The following RFTN1 variants were observed in gnomAD, a reference collection of about 807,000 sequenced individuals.
The protein encoded by RFTN1 is raftlin, lipid raft linker 1.
In RFTN1, 26 loss-of-function variants were observed where a neutral mutation model predicts 46.5. The ratio of observed to expected loss-of-function variants is 0.56; its 90% CI spans 0.41 to 0.78. The LOEUF is 0.78. RFTN1 is among the 30% of genes least tolerant of loss of function. RFTN1 has a pLI of 0.00. For synonymous variants in RFTN1, 261 were observed against 284.2 expected (o/e 0.92, Z 0.82); for missense variants, 693 against 718.7 (o/e 0.96, Z 0.41).
At chr3:16,445,483 T>TCTCTCTCACA (rs1352210263) in intron 2 of RFTN1, among the ~76,000 whole-genome samples, 10 of 126,776 alleles carry the variant, frequency 7.9e-5, no homozygotes, top group Non-Finnish European at 1.3e-4. Context: ...TCTCTCTCTC[T>TCTCTCTCACA]CACACACACA....
Position 16,410,332 on chromosome 3 carries a change from C to T in RFTN1, c.333-849G>A, listed in dbSNP as rs2074959598. Among the ~76,000 whole-genome samples the T allele has an allele frequency of 1.3e-5, 2 of 151,790 alleles. No homozygotes were observed. The highest frequency in any genetic ancestry group is 1.3e-4 in the Admixed American group (2 of 15,236). ...GGGCACAGAAAAAGAACAAGCAAGA[C>T]ATACACCAAACCAATAATAGCAGGT... On this transcript the variant is annotated intron_variant, in intron 3 of 9. Coordinates refer to ENST00000334133, the MANE Select transcript of RFTN1 (RefSeq NM_015150.2). This position sits in a 1 kb window ranked among gnomAD's most constrained non-coding sequence, Gnocchi z 4.6.
At chr3:16,406,988 G>T (rs960991652) in intron 4 of RFTN1, among the ~76,000 whole-genome samples, 1 of 152,148 alleles carries the variant, frequency 6.6e-6, no homozygotes, top group African/African-American at 2.4e-5. Context: ...GTCCTTCAGG[G>T]CATAAAAACC....
intron 4 of RFTN1, among the ~76,000 whole-genome samples, chr3:16,390,028 G>A (rs189939000): frequency 5.9e-5 from 9 of 152,280 alleles, no homozygotes; most frequent in Non-Finnish European, 1.3e-4. Context: ...CCATATGAGT[G>A]TGCCATCTTG....
Position 16,381,870 on chromosome 3 carries a change from C to T in RFTN1, c.442-3768G>A, listed in dbSNP as rs1015960887. On this transcript the variant is annotated intron_variant, in intron 4 of 9. Transcript: ENST00000334133. This position sits in a 1 kb window ranked among gnomAD's most constrained non-coding sequence, Gnocchi z 4.2. ...CATGCCCGCAAAGGCTCTCAGTTCA[C>T]CCTGCAGGCCAGCATATCCGACTCT... 2.0e-5 allele frequency among the ~76,000 whole-genome samples: 3 copies of T among 152,142 alleles called. No individual in the cohort carries two copies. The highest frequency in any genetic ancestry group is 7.2e-5 in the African/African-American group (3 of 41,416).
chr3:16,451,806 T>C lies in RFTN1; in HGVS notation c.146-17769A>G, dbSNP rs1248194308. ...CTTAGATCTTAGCAACTTCAGCATA[T>C]GAGTTTTCTTCTTTCTCACTTAAAG... On this transcript the variant is annotated intron_variant, in intron 2 of 9. Transcript: ENST00000334133. The surrounding 1 kb of genome is among the most constrained non-coding windows in gnomAD (Gnocchi z 4.2). Among the ~76,000 whole-genome samples the C allele has an allele frequency of 6.6e-6, 1 of 152,206 alleles. No homozygotes were observed. The highest frequency in any genetic ancestry group is 2.4e-5 in the African/African-American group (1 of 41,450).
chr3:16,360,033 G>C (rs958506912), intron 6 of RFTN1, among the ~76,000 whole-genome samples: 9 of 151,924 alleles, frequency 5.9e-5, no homozygotes, highest in African/African-American at 1.9e-4. Flanking sequence ...CAAAAATAAA[G>C]GCTAAGCTTA....
Position 16,316,486 on chromosome 3 carries a change from C to A in RFTN1, c.*342G>T. ...TGTCCATGGATTTGACCCGAATGCT[C>A]CCTGGAGGCCCTGTGGCGAGGACAG... On this transcript the variant is annotated 3_prime_UTR_variant, in exon 10 of 10. Transcript: ENST00000334133. This position sits in a 1 kb window ranked among gnomAD's most constrained non-coding sequence, Gnocchi z 4.5. 1 of 333,112 alleles carries A rather than the reference C, an allele frequency of 3.0e-6. No individual in the cohort carries two copies. The highest frequency in any genetic ancestry group is 5.6e-6 in the Non-Finnish European group (1 of 178,824). The allele number at this position is 333,112 out of a possible 1,614,324, so 20.6% of individuals were successfully genotyped here.
At chr3:16,485,877 G>A (rs551170715) in intron 2 of RFTN1, among the ~76,000 whole-genome samples, 10 of 152,202 alleles carry the variant, frequency 6.6e-5, no homozygotes, top group African/African-American at 2.4e-4. Flanking sequence ...AGCTTTGAGT[G>A]GAAAGAGCTG....
At chr3:16,435,765 A>G in intron 2 of RFTN1, among the ~76,000 whole-genome samples, 1 of 152,132 alleles carries the variant, frequency 6.6e-6, no homozygotes, top group East Asian at 1.9e-4. Context: ...GTGCGCTTAT[A>G]GTACATATAC....
rs2073931154 is a variant in RFTN1 at position 16,380,013 on chromosome 3, C to A, written c.442-1911G>T. 6.6e-6 allele frequency among the ~76,000 whole-genome samples: 1 copy of A among 152,204 alleles called. No homozygotes were observed. The highest frequency in any genetic ancestry group is 2.4e-5 in the African/African-American group (1 of 41,460). On this transcript the variant is annotated intron_variant, in intron 4 of 9. Transcript: ENST00000334133. The surrounding 1 kb of genome is among the most constrained non-coding windows in gnomAD (Gnocchi z 4.8). Reference sequence around the variant, plus strand: ...ACACCTGCACTAGCTTCTGCTATTACTCTCTTACTGCAGAGGAAACAGCTA... The same window carrying A: ...ACACCTGCACTAGCTTCTGCTATTAATCTCTTACTGCAGAGGAAACAGCTA...
Position 16,421,445 on chromosome 3 carries a change from G to A in RFTN1, c.333-11962C>T, listed in dbSNP as rs1216689089. On this transcript the variant is annotated intron_variant, in intron 3 of 9. Coordinates refer to ENST00000334133, the MANE Select transcript of RFTN1 (RefSeq NM_015150.2). This position sits in a 1 kb window ranked among gnomAD's most constrained non-coding sequence, Gnocchi z 4.6. Reference sequence around the variant, plus strand: ...CAGCTCACTGCAATCTCCACCTCCCGGGTTCAAGTGATTCTCCTGCCTCAG... The same window carrying A: ...CAGCTCACTGCAATCTCCACCTCCCAGGTTCAAGTGATTCTCCTGCCTCAG... Among the ~76,000 whole-genome samples, 1 of 151,730 alleles carries A rather than the reference G, an allele frequency of 6.6e-6. No homozygotes were observed. Among genetic ancestry groups the A allele is most frequent in the Non-Finnish European group, 1.5e-5 (1 of 67,950 alleles).
intron 3 of RFTN1, among the ~76,000 whole-genome samples, chr3:16,414,559 A>G (rs572192814): frequency 8.2e-4 from 124 of 151,294 alleles, no homozygotes; most frequent in Non-Finnish European, 1.4e-3. Context: ...AGCCAAGATC[A>G]CACCACTGCA....
intron 3 of RFTN1, among the ~76,000 whole-genome samples, chr3:16,431,727 T>C (rs1004192594): frequency 2.0e-5 from 3 of 152,344 alleles, no homozygotes; most frequent in South Asian, 2.1e-4. Context: ...CTGTTTTGTT[T>C]CCTTGCTGAA....
rs2076350767 is a variant in RFTN1 at position 16,480,638 on chromosome 3, G to A, written c.145+13087C>T. 3.3e-5 allele frequency among the ~76,000 whole-genome samples: 5 copies of A among 152,278 alleles called. No homozygotes were observed. In the South Asian group the frequency reaches 1.0e-3, roughly 32 times the overall value. On this transcript the variant is annotated intron_variant, in intron 2 of 9. Coordinates refer to ENST00000334133, the MANE Select transcript of RFTN1 (RefSeq NM_015150.2). The surrounding 1 kb of genome is among the most constrained non-coding windows in gnomAD (Gnocchi z 4.3). The stretch of plus-strand genomic sequence containing the variant: ...GATTTGCTTTTGAAAATATTTCGTA[G>A]ATAAAATTCAACAGGACTCCTGTCT...
At chr3:16,378,939 G>A (rs557654167) in intron 4 of RFTN1, among the ~76,000 whole-genome samples, 2 of 152,336 alleles carry the variant, frequency 1.3e-5, no homozygotes, top group South Asian at 4.1e-4. Flanking sequence ...TTGAATGTAA[G>A]TCATAAGTTT....
intron 4 of RFTN1, among the ~76,000 whole-genome samples, chr3:16,408,756 G>A (rs1156453532): frequency 7.0e-6 from 1 of 143,350 alleles, no homozygotes; most frequent in Non-Finnish European, 1.5e-5. Flanking sequence ...GTATGGGGTG[G>A]GGGAATTGTC....
intron 3 of RFTN1, among the ~76,000 whole-genome samples, chr3:16,412,913 G>A (rs1417918952): frequency 2.0e-5 from 3 of 152,214 alleles, no homozygotes; most frequent in African/African-American, 7.2e-5. Flanking sequence ...CAAACTGAGG[G>A]AGGCTGGAAG....
intron 4 of RFTN1, among the ~76,000 whole-genome samples, chr3:16,405,071 A>C (rs1278996512): frequency 6.6e-6 from 1 of 152,148 alleles, no homozygotes; most frequent in Non-Finnish European, 1.5e-5. Flanking sequence ...ATGAATGAAC[A>C]GCAATTTGAA....
intron 6 of RFTN1, among the ~76,000 whole-genome samples, chr3:16,365,597 GA>G (rs2073111932): frequency 6.6e-6 from 1 of 152,184 alleles, no homozygotes; most frequent in Admixed American, 6.5e-5. Context: ...GGGCACCGGA[GA>G]AAGTCTCAAG....
Sources: gnomAD v4.1 joint callset for allele counts (sites outside exome capture counted in the v4.1 genomes callset) on GRCh38, gnomAD v4.1.1 for gene constraint, Gnocchi (gnomAD v3.1) non-coding constraint, MANE v1.5 for transcripts, NCBI Gene and HGNC (gene_info 2026-07-23, HGNC 2026-07-21) for gene names.